ARHGEF38: variants seen among roughly 807,000 people sequenced by gnomAD.
The protein encoded by ARHGEF38 is Rho guanine nucleotide exchange factor (GEF) 38.
Under a neutral mutation model 79.9 loss-of-function variants are expected in ARHGEF38, and 79 were observed. The ratio of observed to expected loss-of-function variants is 0.99; its 90% CI spans 0.82 to 1.19. The LOEUF is 1.19. Among genes scored for constraint, ARHGEF38 ranks in the 50% most tolerant of loss-of-function variants. ARHGEF38 has a pLI of 0.00. For missense variants in ARHGEF38, 962 were observed against 907.2 expected (o/e 1.06, Z -0.78); for synonymous variants, 366 against 328.3 (o/e 1.11, Z -1.24).
At chr4:105,555,632 C>T (rs1172714610) in intron 1 of ARHGEF38, among the ~76,000 whole-genome samples, 1 of 152,120 alleles carries the variant, frequency 6.6e-6, no homozygotes, top group Non-Finnish European at 1.5e-5. Flanking sequence ...CTTGTGAGGT[C>T]AAAGAGTGCT....
chr4:105,667,111 T>C lies in ARHGEF38; in HGVS notation c.1690-18T>C. ...TTATGTATCTGTCTAAACCAAAACT[T>C]CTCCTTATTTCTCCCAGCCAGAAAT... On this transcript the variant is annotated intron_variant, in intron 11 of 13. Transcript: ENST00000420470. 1 of 1,524,468 alleles carries C rather than the reference T, an allele frequency of 6.6e-7. No homozygotes were observed. The allele number at this position is 1,524,468 out of a possible 1,614,324, so 94.4% of individuals were successfully genotyped here. A position where few individuals can be genotyped will look rare whatever the true frequency, so the allele number is the denominator to read the frequency against.
intron 3 of ARHGEF38, among the ~76,000 whole-genome samples, chr4:105,626,389 C>T (rs1728948265): frequency 6.6e-6 from 1 of 152,166 alleles, no homozygotes. Context: ...CATGTGCCAG[C>T]CCCTGATGCA....
intron 3 of ARHGEF38, among the ~76,000 whole-genome samples, chr4:105,622,216 G>A (rs1319573708): frequency 1.3e-5 from 2 of 152,202 alleles, no homozygotes; most frequent in Non-Finnish European, 2.9e-5. Flanking sequence ...GCCAGTGGAA[G>A]TCAGTGGCTT....
intron 7 of ARHGEF38, among the ~76,000 whole-genome samples, chr4:105,650,548 C>G (rs1174978747): frequency 1.3e-5 from 2 of 152,214 alleles, no homozygotes; most frequent in Non-Finnish European, 2.9e-5. Flanking sequence ...GAAATCCCAA[C>G]AGAGGTTCTG....
intron 1 of ARHGEF38, among the ~76,000 whole-genome samples, chr4:105,580,030 A>T (rs1465740225): frequency 6.6e-6 from 1 of 152,108 alleles, no homozygotes; most frequent in African/African-American, 2.4e-5. Context: ...GTGTGTTCAG[A>T]ATAGTCTCTG....
chr4:105,601,782 T>C (rs1172008604), intron 2 of ARHGEF38, among the ~76,000 whole-genome samples: 2 of 152,094 alleles, frequency 1.3e-5, no homozygotes, highest in African/African-American at 4.8e-5. Flanking sequence ...TCCAAGAATA[T>C]TCAGAATCAA....
At chr4:105,574,691 G>A (rs758474596) in intron 1 of ARHGEF38, among the ~76,000 whole-genome samples, 28 of 151,846 alleles carry the variant, frequency 1.8e-4, no homozygotes, top group East Asian at 3.9e-4. Flanking sequence ...ATGTTAAGGC[G>A]GTTTCTTTCT....
At chr4:105,662,932 G>T (rs1301436835) in intron 10 of ARHGEF38, among the ~76,000 whole-genome samples, 1 of 152,164 alleles carries the variant, frequency 6.6e-6, no homozygotes, top group Non-Finnish European at 1.5e-5. Context: ...GAGATGCTTT[G>T]TTTTTGAGAA....
At position 105,589,406 on chromosome 4, in the gene ARHGEF38, G is replaced by A; in HGVS notation, c.355G>A (p.Glu119Lys). ...YLNDLELCVR[E>K]VVQPLRNKKT... ...CAATGATCTAGAGCTGTGTGTTAGG[G>A]AAGTGGTTCAGCCCCTGAGAAATAA... Residue 119 changes from glutamate (E) to lysine (K), a missense_variant, in exon 2 of 14, where the codon GAA becomes AAA. Physicochemically the swap from Glu to Lys is moderately conservative, Grantham distance 56. Coordinates refer to ENST00000420470, the MANE Select transcript of ARHGEF38 (RefSeq NM_001242729.2). 6 of 1,612,974 alleles carry A rather than the reference G, an allele frequency of 3.7e-6. No homozygotes were observed. Among genetic ancestry groups the A allele is most frequent in the Non-Finnish European group, 5.1e-6 (6 of 1,179,688 alleles).
chr4:105,587,263 G>T (rs118154147), intron 1 of ARHGEF38, among the ~76,000 whole-genome samples: 1 of 152,112 alleles, frequency 6.6e-6, no homozygotes, highest in Non-Finnish European at 1.5e-5. Flanking sequence ...AGCTGCAATT[G>T]CACCACTGCA....
At chr4:105,590,816 C>T (rs1727299610) in intron 2 of ARHGEF38, among the ~76,000 whole-genome samples, 1 of 152,100 alleles carries the variant, frequency 6.6e-6, no homozygotes, top group African/African-American at 2.4e-5. Flanking sequence ...AATGCTGAGA[C>T]TTGTTGATTT....
chr4:105,569,498 A>T lies in ARHGEF38; in HGVS notation c.196+16537A>T, dbSNP rs79343955. Among the ~76,000 whole-genome samples, 46 of 152,316 alleles carry T rather than the reference A, an allele frequency of 3.0e-4. No homozygotes were observed. In the East Asian group the frequency reaches 7.3e-3, roughly 24 times the overall value. ...GGGAAAGCAGGTGTAGCCATTCACA[A>T]CCAGATACAGAATAATGGCAAGTAA... On this transcript the variant is annotated intron_variant, in intron 1 of 13. Transcript: ENST00000420470.
chr4:105,565,267 C>G (rs1725831134), intron 1 of ARHGEF38, among the ~76,000 whole-genome samples: 1 of 152,154 alleles, frequency 6.6e-6, no homozygotes, highest in Admixed American at 6.6e-5. Flanking sequence ...CACTTAATAC[C>G]TCACTGGCTC....
intron 6 of ARHGEF38, 127 bp from the exon 7 acceptor site, chr4:105,648,422 A>T: frequency 2.4e-6 from 2 of 837,296 alleles, no homozygotes; most frequent in Non-Finnish European, 3.4e-6. Flanking sequence ...TGGCCTCTGC[A>T]GCAGAGGCTC....
chr4:105,614,603 G>C (rs1394183655), intron 3 of ARHGEF38, among the ~76,000 whole-genome samples: 1 of 152,118 alleles, frequency 6.6e-6, no homozygotes, highest in Non-Finnish European at 1.5e-5. Context: ...AATAAGGCCA[G>C]CCCACTCAGA....
At chr4:105,562,632 C>T (rs936442560) in intron 1 of ARHGEF38, among the ~76,000 whole-genome samples, 11 of 152,074 alleles carry the variant, frequency 7.2e-5, no homozygotes, top group African/African-American at 2.2e-4. Context: ...GCTAGGTATT[C>T]GTATGTGCCA....
intron 1 of ARHGEF38, among the ~76,000 whole-genome samples, chr4:105,567,225 T>C (rs1337001649): frequency 1.3e-5 from 2 of 152,210 alleles, no homozygotes; most frequent in Non-Finnish European, 2.9e-5. Flanking sequence ...GAATAGTAAG[T>C]ACTCCATTTA....
intron 1 of ARHGEF38, among the ~76,000 whole-genome samples, chr4:105,582,023 G>C (rs956340497): frequency 5.9e-5 from 9 of 151,938 alleles, no homozygotes; most frequent in Admixed American, 4.6e-4. Flanking sequence ...AAATTGGCTG[G>C]GTGTGGTGGC....
intron 1 of ARHGEF38, among the ~76,000 whole-genome samples, chr4:105,585,516 A>G (rs1726990943): frequency 6.6e-6 from 1 of 152,168 alleles, no homozygotes; most frequent in Non-Finnish European, 1.5e-5. Context: ...CTGGAAAAAT[A>G]AAGCTTGAGT....
Sources: allele counts gnomAD v4.1 joint callset (sites outside exome capture counted in the v4.1 genomes callset), GRCh38; gene constraint gnomAD v4.1.1; transcripts MANE v1.5; gene names NCBI Gene and HGNC (gene_info 2026-07-23, HGNC 2026-07-21).